The following ZNF407 variants were observed in gnomAD, a reference collection of about 807,000 sequenced individuals.
The protein encoded by ZNF407 is zinc finger protein 407.
In ZNF407, 17 loss-of-function variants were observed where a neutral mutation model predicts 131.2. The ratio of observed to expected loss-of-function variants is 0.13; its 90% CI spans 0.09 to 0.19. ZNF407 has a LOEUF of 0.19. Among genes scored for constraint, ZNF407 ranks in the 10% least tolerant of loss-of-function variants. ZNF407 has a pLI of 1.00. For synonymous variants in ZNF407, 1,156 were observed against 1,062.0 expected (o/e 1.09, Z -1.72); for missense variants, 2,681 against 2,830.6 (o/e 0.95, Z 1.20).
At chr18:74,972,085 A>G (rs1972479271) in intron 8 of ZNF407, among the ~76,000 whole-genome samples, 1 of 152,280 alleles carries the variant, frequency 6.6e-6, no homozygotes, top group South Asian at 2.1e-4. Flanking sequence ...CCATGATTCA[A>G]TTACCTCCCT....
chr18:74,741,662 A>T (rs76258098), intron 3 of ZNF407, among the ~76,000 whole-genome samples: 3 of 152,058 alleles, frequency 2.0e-5, no homozygotes, highest in Non-Finnish European at 4.4e-5. Context: ...GTATATATAT[A>T]TTTTTCATGC....
intron 7 of ZNF407, among the ~76,000 whole-genome samples, chr18:74,919,041 C>T (rs1376570912): frequency 2.6e-5 from 4 of 152,166 alleles, no homozygotes; most frequent in Admixed American, 1.3e-4. Context: ...ATGAGGAACA[C>T]GTTTGCGTTT....
chr18:74,863,280 T>C (rs1970963819), intron 4 of ZNF407, among the ~76,000 whole-genome samples: 1 of 151,402 alleles, frequency 6.6e-6, no homozygotes, highest in Non-Finnish European at 1.5e-5. Flanking sequence ...TAAGTGACAT[T>C]GTATGTATTC....
intron 3 of ZNF407, among the ~76,000 whole-genome samples, chr18:74,711,747 G>C (rs1468319978): frequency 1.3e-5 from 2 of 152,148 alleles, no homozygotes; most frequent in Non-Finnish European, 2.9e-5. Context: ...GTCTCTCTCT[G>C]TCACCCGGGT....
chr18:74,984,892 C>T lies in ZNF407; in HGVS notation c.5428+64200C>T, dbSNP rs374634767. On this transcript the variant is annotated intron_variant, in intron 8 of 8. Transcript: ENST00000299687. ...ATCATTGGCTCTGATTCTGAATGTG[C>T]GTAGAGTCAAATTGTTTACCTTTTG... Among the ~76,000 whole-genome samples the T allele has an allele frequency of 3.9e-3, 594 of 152,228 alleles. 11 individuals are homozygous for T. The highest frequency in any genetic ancestry group is 0.013 in the African/African-American group (560 of 41,558).
intron 8 of ZNF407, among the ~76,000 whole-genome samples, chr18:74,963,595 TCTC>T (rs1321037739): frequency 1.3e-5 from 2 of 152,126 alleles, no homozygotes. Flanking sequence ...TATAGCAAAA[TCTC>T]CTCATTTATG....
intron 8 of ZNF407, among the ~76,000 whole-genome samples, chr18:75,033,805 G>A (rs999529511): frequency 6.6e-5 from 10 of 152,124 alleles, no homozygotes; most frequent in East Asian, 1.9e-4. Flanking sequence ...CAGTTTTTCT[G>A]TCAATGGCTT....
At chr18:74,981,632 G>A (rs1437308958) in intron 8 of ZNF407, among the ~76,000 whole-genome samples, 1 of 152,078 alleles carries the variant, frequency 6.6e-6, no homozygotes, top group Non-Finnish European at 1.5e-5. Context: ...GGCTTCCTAC[G>A]GAGGGCACTG....
intron 3 of ZNF407, among the ~76,000 whole-genome samples, chr18:74,701,899 T>C (rs1360262629): frequency 6.6e-6 from 1 of 152,198 alleles, no homozygotes; most frequent in Non-Finnish European, 1.5e-5. Context: ...AAATAAAATG[T>C]TTGCATCAGC....
At chr18:75,052,844 G>A (rs1973518028) in intron 8 of ZNF407, among the ~76,000 whole-genome samples, 1 of 152,194 alleles carries the variant, frequency 6.6e-6, no homozygotes, top group South Asian at 2.1e-4. Context: ...CATGTGCGTG[G>A]ATGTCACTCC....
At chr18:74,692,632 C>T (rs1047590137) in intron 3 of ZNF407, among the ~76,000 whole-genome samples, 6 of 152,162 alleles carry the variant, frequency 3.9e-5, no homozygotes, top group Non-Finnish European at 7.3e-5. Flanking sequence ...TCCTGCTTCT[C>T]CCCTAGCGGT....
intron 8 of ZNF407, among the ~76,000 whole-genome samples, chr18:74,930,051 C>T (rs1971964590): frequency 1.3e-5 from 2 of 152,280 alleles, no homozygotes; most frequent in South Asian, 2.1e-4. Context: ...GCTGTATTCT[C>T]GTATTCAGAG....
chr18:74,918,135 A>G (rs990461630), intron 7 of ZNF407, among the ~76,000 whole-genome samples: 2 of 152,236 alleles, frequency 1.3e-5, no homozygotes, highest in Non-Finnish European at 2.9e-5. Flanking sequence ...TATTTCAGAC[A>G]TGACCCAGAG....
intron 4 of ZNF407, among the ~76,000 whole-genome samples, chr18:74,816,802 A>G (rs1353522826): frequency 1.3e-5 from 2 of 152,208 alleles, no homozygotes; most frequent in Non-Finnish European, 2.9e-5. Context: ...ATTTGCGTCA[A>G]TAAAGACATG....
rs747372496 is a variant in ZNF407 at position 74,632,158 on chromosome 18, G to T, written c.1139G>T (p.Arg380Ile). 3.7e-5 allele frequency: 60 copies of T among 1,613,958 alleles called. No individual in the cohort carries two copies. The South Asian group carries it at 5.9e-4, about 16-fold the overall frequency. The change falls in exon 2 of 9, where the codon AGA becomes ATA. Residue 380 changes from arginine to isoleucine, a missense_variant. Transcript: ENST00000299687. ...GLAQNPENQS[R>I]KLDTLVTSEG... is the part of the protein sequence containing the mutation. ...GCTCAGAATCCTGAAAACCAGAGTA[G>T]AAAGCTAGACACCTTAGTAACCTCA...
At chr18:74,758,847 T>C (rs1188567549) in intron 3 of ZNF407, among the ~76,000 whole-genome samples, 3 of 152,194 alleles carry the variant, frequency 2.0e-5, no homozygotes, top group Non-Finnish European at 4.4e-5. Flanking sequence ...CCCAGAGTTC[T>C]GGAATTACAG....
chr18:74,921,102 C>T, intron 8 of ZNF407: 1 of 810,446 alleles, frequency 1.2e-6, no homozygotes, highest in South Asian at 5.6e-5. Flanking sequence ...TAGTGAATGC[C>T]TAGAAAGAAT....
chr18:74,794,685 G>A (rs1390605596), intron 4 of ZNF407, among the ~76,000 whole-genome samples: 1 of 152,008 alleles, frequency 6.6e-6, no homozygotes, highest in Admixed American at 6.5e-5. Flanking sequence ...ATTAAAAAAT[G>A]GTCTGTATCT....
At chr18:74,763,196 C>CTTTTTTTTTT (rs71170316) in intron 3 of ZNF407, among the ~76,000 whole-genome samples, 1 of 17,782 alleles carries the variant, frequency 5.6e-5, no homozygotes, top group African/African-American at 1.5e-4. Context: ...TTCTTAGGAC[C>CTTTTTTTTTT]TTTTTTTTTT....
Sources: allele counts gnomAD v4.1 joint callset (sites outside exome capture counted in the v4.1 genomes callset), GRCh38; gene constraint gnomAD v4.1.1; transcripts MANE v1.5; gene names NCBI Gene and HGNC (gene_info 2026-07-23, HGNC 2026-07-21).